Variants in DCTN2 observed in about 807,000 individuals in gnomAD.
DCTN2 encodes the protein dynactin subunit 2.
In DCTN2, 18 loss-of-function variants were observed where a neutral mutation model predicts 55.4. The ratio of observed to expected loss-of-function variants is 0.32; its 90% CI spans 0.22 to 0.48. DCTN2 has a LOEUF of 0.48. Among genes scored for constraint, DCTN2 ranks in the 20% least tolerant of loss-of-function variants. The pLI is 0.99. For synonymous variants in DCTN2, 168 were observed against 185.2 expected, an observed-to-expected ratio of 0.91 and a Z score of 0.76; for missense variants, 390 against 491.0, an observed-to-expected ratio of 0.79 and a Z score of 1.94.
chr12:57,537,474 TCTGCCTGTGTGTAG>T (rs1160809869), intron 2 of DCTN2, among the ~76,000 whole-genome samples: 1 of 151,274 alleles, frequency 6.6e-6, no homozygotes, highest in Non-Finnish European at 1.5e-5. Context: ...ACTGAGAATC[TCTGCCTGTGTGTAG>T]GTATGTGGGG....
intron 2 of DCTN2, chr12:57,540,217 C>T (rs1880588007): frequency 1.2e-6 from 1 of 817,278 alleles, no homozygotes; most frequent in Non-Finnish European, 1.5e-6. Context: ...TTTGTCCCAC[C>T]AAGCTAAAAC....
chr12:57,535,122 G>T lies in DCTN2; in HGVS notation c.297C>A (p.Pro99=). 1 of 1,613,784 alleles carries T rather than the reference G, an allele frequency of 6.2e-7. No individual in the cohort carries two copies. Among genetic ancestry groups the T allele is most frequent in the Non-Finnish European group, 8.5e-7 (1 of 1,179,846 alleles). ...LGEGLGVKET[P]QQKYQRLLHE... ...GCAGTAGGCGCTGGTACTTTTGCTG[G>T]GGTGTCTCCTTCACTCCCAGACCCT... The change falls in exon 5 of 14, where the codon CCC becomes CCA. Residue 99 remains proline (P), a synonymous_variant. Transcript: ENST00000548249.
At chr12:57,544,147 G>C (rs1278589237) in intron 2 of DCTN2, 1 of 453,444 alleles carries the variant, frequency 2.2e-6, no homozygotes, top group Non-Finnish European at 4.4e-6. Context: ...TGAACAGTCT[G>C]AACTGTGGTA....
Position 57,535,128 on chromosome 12 carries a change from C to T in DCTN2, c.291G>A (p.Glu97=). 6.2e-7 allele frequency: 1 copy of T among 1,613,790 alleles called. No individual in the cohort carries two copies. Among genetic ancestry groups the T allele is most frequent in the Non-Finnish European group, 8.5e-7 (1 of 1,179,838 alleles). Residue 97 remains glutamate (E), a synonymous_variant, in exon 5 of 14, where the codon GAG becomes GAA. Transcript: ENST00000548249. ...GGCGCTGGTACTTTTGCTGGGGTGT[C>T]TCCTTCACTCCCAGACCCTCTCCAA... ...EMLGEGLGVK[E]TPQQKYQRLL...
intron 13 of DCTN2, 67 bp downstream of exon 13, chr12:57,531,948 A>C (rs189405048): frequency 1.2e-5 from 18 of 1,550,462 alleles, no homozygotes; most frequent in East Asian, 2.4e-5. Context: ...GCAGAACCCT[A>C]TAACACTGGA....
At position 57,539,274 on chromosome 12, in the gene DCTN2, G is replaced by C. The variant is rs115001318; in HGVS notation, c.106-3429C>G. ...AGCCTGGCATGTTTGCCTCCACCTT[G>C]AGTGGCTGGTAACTCACCCTGCAGC... is the stretch of plus-strand genomic sequence containing the variant. On this transcript the variant is annotated intron_variant, in intron 2 of 13. Coordinates refer to ENST00000548249, the MANE Select transcript of DCTN2 (RefSeq NM_001261413.2). Among the ~76,000 whole-genome samples the C allele has an allele frequency of 5.6e-3, 849 of 152,352 alleles. 7 individuals are homozygous for C. Among genetic ancestry groups the C allele is most frequent in the African/African-American group, 0.02 (815 of 41,574 alleles).
intron 2 of DCTN2, among the ~76,000 whole-genome samples, chr12:57,540,644 C>T (rs1880622183): frequency 6.6e-6 from 1 of 152,234 alleles, no homozygotes; most frequent in South Asian, 2.1e-4. Flanking sequence ...TGAGCCTATT[C>T]AGGCTGTACG....
chr12:57,544,620 T>G (rs1462443787), intron 2 of DCTN2, among the ~76,000 whole-genome samples: 2 of 152,098 alleles, frequency 1.3e-5, no homozygotes, highest in Non-Finnish European at 2.9e-5. Flanking sequence ...CTCAAACTCC[T>G]GGCCTCAAAT....
rs1270903247 is a variant in DCTN2, at chr12:57,530,631, C to CTGTT, written c.*54_*57dup. ...TAGTAAAGGGGAAACCCTATGTAAG[C>CTGTT]TGTTAACAGAGTTCACAGGGGTAGG... On this transcript the variant is annotated 3_prime_UTR_variant, in exon 14 of 14. Coordinates refer to ENST00000548249, the MANE Select transcript of DCTN2 (RefSeq NM_001261413.2). 8 of 1,427,706 alleles carry CTGTT rather than the reference C, an allele frequency of 5.6e-6. No homozygotes were observed. The highest frequency in any genetic ancestry group is 6.9e-6 in the Non-Finnish European group (7 of 1,018,284). 88.4% of individuals were successfully genotyped at this position (1,427,706 alleles called of 1,614,324 possible). A position where few individuals can be genotyped will look rare whatever the true frequency, so the allele number is the denominator to read the frequency against.
intron 2 of DCTN2, among the ~76,000 whole-genome samples, chr12:57,544,782 A>G (rs730560): frequency 0.32 from 48,311 of 151,918 alleles, 9,211 homozygotes; most frequent in Middle Eastern, 0.5. Context: ...GATTGTATAC[A>G]CTCCTATTCT....
intron 1 of DCTN2, 84 bp downstream of exon 1, chr12:57,546,944 A>C (rs984633420): frequency 1.9e-6 from 2 of 1,071,500 alleles, no homozygotes; most frequent in African/African-American, 1.9e-5. Flanking sequence ...TGCAGGCGGG[A>C]GGGGTCGCGG....
intron 2 of DCTN2, chr12:57,538,318 T>C (rs1301990636): frequency 1.6e-6 from 1 of 640,892 alleles, no homozygotes; most frequent in Admixed American, 2.1e-5. Flanking sequence ...AGTCCTCCAG[T>C]AGCACCTACT....
intron 2 of DCTN2, chr12:57,544,073 A>C (rs1662794693): frequency 2.3e-6 from 1 of 434,302 alleles, no homozygotes; most frequent in Admixed American, 2.7e-5. Flanking sequence ...TTTGTATCAC[A>C]GCGACAAAAG....
Position 57,533,969 on chromosome 12 carries a change from A to T in DCTN2, c.653T>A (p.Phe218Tyr). The T allele has an allele frequency of 6.2e-7, 1 of 1,611,468 alleles. No individual in the cohort carries two copies. Among genetic ancestry groups the T allele is most frequent in the Non-Finnish European group, 8.5e-7 (1 of 1,178,782 alleles). The change falls in exon 7 of 14, where the codon TTC becomes TAC. Residue 218 changes from phenylalanine to tyrosine, a missense_variant. Coordinates refer to ENST00000548249, the MANE Select transcript of DCTN2 (RefSeq NM_001261413.2). ...CACACTTACTTTGGCAGCTTGAGAGAACTTGTCCTGCTCAGGCCGAGAATG... is the reference window on the plus strand; with the variant it reads ...CACACTTACTTTGGCAGCTTGAGAGTACTTGTCCTGCTCAGGCCGAGAATG... ...ELHSRPEQDK[F>Y]SQAAKVAELE...
At chr12:57,538,320 G>A (rs1278265459) in intron 2 of DCTN2, 2 of 642,988 alleles carry the variant, frequency 3.1e-6, no homozygotes, top group South Asian at 3.0e-5. Flanking sequence ...TCCTCCAGTA[G>A]CACCTACTCC....
intron 2 of DCTN2, 116 bp downstream of exon 2, chr12:57,545,911 AC>A (rs1355585487): frequency 1.2e-5 from 12 of 1,026,708 alleles, no homozygotes; most frequent in Non-Finnish European, 1.6e-5. Flanking sequence ...CCTATATACC[AC>A]CCAGGCTGGG....
In DCTN2 at chr12:57,532,306, G is replaced by C; in HGVS notation, c.934C>G (p.Leu312Val). 6.4e-7 allele frequency: 1 copy of C among 1,559,632 alleles called. No individual in the cohort carries two copies. The change falls in exon 12 of 14, where the codon CTA becomes GTA. Residue 312 changes from leucine (L) to valine (V), a missense_variant. By Grantham distance (32) the Leu-to-Val change is conservative. Around this residue, in one of 2 missense-constraint regions of DCTN2, gnomAD observed 273 missense variants for 303.2 expected, o/e 0.90. Coordinates refer to ENST00000548249, the MANE Select transcript of DCTN2 (RefSeq NM_001261413.2). ...CTCCAGCGCTGTATAGTTTCATATA[G>C]CTGGTGCACCTGAAGGGACACAATG... ...DADTQSKVHQ[L>V]YETIQRWSPI... is the part of the protein sequence containing the mutation.
At position 57,530,732 on chromosome 12, in the gene DCTN2, T is replaced by C; in HGVS notation, c.1163A>G (p.Asn388Ser). ...MRENLATVEG[N>S]FASIDERMKK... ...CATCCGTTCATCAATGCTGGCAAAG[T>C]TCCCCTCAACTGTGGCCAGGTTTTC... is the stretch of plus-strand genomic sequence containing the variant. The change falls in exon 14 of 14, where the codon AAC (asparagine) becomes AGC (serine). Residue 388 changes from asparagine to serine, a missense_variant. Around this residue, in one of 2 missense-constraint regions of DCTN2, gnomAD observed 273 missense variants for 303.2 expected, o/e 0.90. Transcript: ENST00000548249. 1 of 1,613,960 alleles carries C rather than the reference T, an allele frequency of 6.2e-7. No homozygotes were observed. The highest frequency in any genetic ancestry group is 1.6e-4 in the Middle Eastern group (1 of 6,062).
intron 2 of DCTN2, chr12:57,541,328 A>T (rs774456312): frequency 1.9e-6 from 3 of 1,597,774 alleles, no homozygotes; most frequent in Non-Finnish European, 2.5e-6. Flanking sequence ...GGCAGATGAA[A>T]AAAACATGCA....
Sources: gnomAD v4.1 joint callset for allele counts (sites outside exome capture counted in the v4.1 genomes callset) on GRCh38, gnomAD v4.1.1 for gene constraint, gnomAD v4.1.1 regional missense constraint, MANE v1.5 for transcripts, NCBI Gene and HGNC (gene_info 2026-07-23, HGNC 2026-07-21) for gene names.